The following KSR2 variants were observed in gnomAD, a reference collection of about 807,000 sequenced individuals.
The protein encoded by KSR2 is kinase suppressor of ras 2.
A neutral mutation model predicts 107.8 loss-of-function variants in KSR2; 25 were observed. The observed-to-expected ratio is 0.23, with a 90% CI of 0.17 to 0.32. The LOEUF (loss-of-function observed/expected upper bound fraction) is 0.32. KSR2 is among the 10% of genes least tolerant of loss of function. The probability of loss-of-function intolerance (pLI) is 1.00; values close to 1 mark genes in which losing one functional copy is unlikely to be tolerated. For missense variants in KSR2, 887 were observed against 1,268.9 expected (o/e 0.70, Z 4.57); for synonymous variants, 480 against 507.0 (o/e 0.95, Z 0.71).
chr12:117,582,808 T>G (rs1879748601), intron 5 of KSR2, among the ~76,000 whole-genome samples: 1 of 152,234 alleles, frequency 6.6e-6, no homozygotes, highest in Non-Finnish European at 1.5e-5. Context: ...GCTGTGATTT[T>G]GGGTTCGAGG....
Position 117,667,933 on chromosome 12 carries a change from G to A in KSR2, c.987-275C>T, listed in dbSNP as rs918743025. On this transcript the variant is annotated intron_variant, in intron 4 of 19. Transcript: ENST00000339824. Reference sequence around the variant, plus strand: ...CCCAGCTCCCTAGAGAAGCTCTAGAGAGCCAGTGTCAAGTTCAGCTTCCAA... The same window carrying A: ...CCCAGCTCCCTAGAGAAGCTCTAGAAAGCCAGTGTCAAGTTCAGCTTCCAA... Among the ~76,000 whole-genome samples, 4 of 152,258 alleles carry A rather than the reference G, an allele frequency of 2.6e-5. No individual in the cohort carries two copies. In the East Asian group the frequency reaches 7.7e-4, roughly 29 times the overall value.
intron 5 of KSR2, among the ~76,000 whole-genome samples, chr12:117,596,043 T>C (rs1880622512): frequency 1.3e-5 from 2 of 148,206 alleles, no homozygotes; most frequent in African/African-American, 5.0e-5. Flanking sequence ...CCTCCCTTCC[T>C]TTTTCCCTTC....
intron 16 of KSR2, among the ~76,000 whole-genome samples, chr12:117,479,224 A>C (rs892875084): frequency 6.6e-6 from 1 of 152,230 alleles, no homozygotes; most frequent in Non-Finnish European, 1.5e-5. Flanking sequence ...ACTGTAGGAA[A>C]GGAAGCAAAG....
chr12:117,642,969 C>A (rs4767592), intron 5 of KSR2, among the ~76,000 whole-genome samples: 61,294 of 152,042 alleles, frequency 0.4, 15,253 homozygotes, highest in African/African-American at 0.7. Flanking sequence ...GCTCATTCAT[C>A]TACTGAGGTT....
intron 1 of KSR2, among the ~76,000 whole-genome samples, chr12:117,927,987 G>A (rs554094389): frequency 3.8e-4 from 58 of 151,760 alleles, no homozygotes; most frequent in African/African-American, 1.2e-3. Flanking sequence ...GCCATAACTC[G>A]CCACTGCCCT....
intron 4 of KSR2, among the ~76,000 whole-genome samples, chr12:117,671,844 T>C (rs767293004): frequency 1.3e-5 from 2 of 150,734 alleles, no homozygotes; most frequent in African/African-American, 2.4e-5. Context: ...GGTGCCCTCT[T>C]GTGGCCAGAG....
At chr12:117,853,535 T>C (rs759105828) in intron 3 of KSR2, among the ~76,000 whole-genome samples, 8 of 151,518 alleles carry the variant, frequency 5.3e-5, no homozygotes, top group African/African-American at 1.7e-4. Context: ...AGAGGTAGAG[T>C]CTCTTTATGT....
At chr12:117,956,689 G>A (rs1896528809) in intron 1 of KSR2, among the ~76,000 whole-genome samples, 1 of 151,884 alleles carries the variant, frequency 6.6e-6, no homozygotes, top group South Asian at 2.1e-4. Flanking sequence ...CACTTTGGGA[G>A]GCCAAGGCAG....
intron 5 of KSR2, among the ~76,000 whole-genome samples, chr12:117,591,289 T>G (rs1302003485): frequency 2.0e-5 from 3 of 152,098 alleles, no homozygotes; most frequent in Admixed American, 2.0e-4. Context: ...ATTAAAGAAT[T>G]TGATTTTCTA....
intron 3 of KSR2, among the ~76,000 whole-genome samples, chr12:117,847,555 G>A (rs1408105799): frequency 6.6e-6 from 1 of 152,190 alleles, no homozygotes; most frequent in Non-Finnish European, 1.5e-5. Context: ...CCCAGCATCT[G>A]TCACCTGCTC....
chr12:117,782,408 C>T (rs1038018582), intron 3 of KSR2, among the ~76,000 whole-genome samples: 4 of 152,132 alleles, frequency 2.6e-5, no homozygotes, highest in African/African-American at 4.8e-5. Flanking sequence ...GGACTATAGG[C>T]GTGCACCACT....
At chr12:117,534,053 G>T (rs183763319) in intron 10 of KSR2, among the ~76,000 whole-genome samples, 1 of 152,138 alleles carries the variant, frequency 6.6e-6, no homozygotes, top group African/African-American at 2.4e-5. Context: ...GAGCAGAGTG[G>T]CTCCGGGCTT....
At chr12:117,893,794 G>A (rs758411197) in intron 1 of KSR2, among the ~76,000 whole-genome samples, 2 of 152,014 alleles carry the variant, frequency 1.3e-5, no homozygotes, top group Non-Finnish European at 2.9e-5. Context: ...ATTCACTTTG[G>A]GTGCAAAATT....
At chr12:117,784,828 A>T (rs1352233277) in intron 3 of KSR2, among the ~76,000 whole-genome samples, 2 of 152,170 alleles carry the variant, frequency 1.3e-5, no homozygotes, top group African/African-American at 4.8e-5. Context: ...GAGAGCCCTA[A>T]TCTGTGTGTG....
intron 4 of KSR2, among the ~76,000 whole-genome samples, chr12:117,734,882 G>C (rs1190111029): frequency 6.6e-6 from 1 of 152,216 alleles, no homozygotes; most frequent in Non-Finnish European, 1.5e-5. Context: ...CAATTCAGTA[G>C]AGAACACAGA....
Position 117,968,590 on chromosome 12 carries a change from G to A in KSR2, c.-335C>T, listed in dbSNP as rs1350456474. 4.6e-6 allele frequency: 3 copies of A among 646,560 alleles called. No homozygotes were observed. The highest frequency in any genetic ancestry group is 1.2e-4 in the East Asian group (2 of 16,958). 40.1% of individuals were successfully genotyped at this position (646,560 alleles called of 1,614,324 possible). ...TGTCTGTACACTTAGGGAGGAGGAG[G>A]AGGAGGAAAAAGAAGAGGAGAAGGA... On this transcript the variant is annotated 5_prime_UTR_variant, in exon 1 of 20. Coordinates refer to ENST00000339824, the MANE Select transcript of KSR2 (RefSeq NM_173598.6).
At chr12:117,852,793 T>C (rs1892970881) in intron 3 of KSR2, among the ~76,000 whole-genome samples, 2 of 152,098 alleles carry the variant, frequency 1.3e-5, no homozygotes, top group South Asian at 2.1e-4. Flanking sequence ...TTTTAAAATA[T>C]GGGTTTTTTG....
In KSR2 at chr12:117,504,634, G is replaced by A. The variant is rs1983041; in HGVS notation, c.2220-18943C>T. Among the ~76,000 whole-genome samples, 1,367 of 152,212 alleles carry A rather than the reference G, an allele frequency of 9.0e-3. 23 individuals carry two copies. Among genetic ancestry groups the A allele is most frequent in the South Asian group, 0.028 (135 of 4,808 alleles). On this transcript the variant is annotated intron_variant, in intron 14 of 19. Coordinates refer to ENST00000339824, the MANE Select transcript of KSR2 (RefSeq NM_173598.6). ...GGATATCCAAGGTTCTTGTGCTTTT[G>A]CATGCTCTGGGAAGGTTAGTAGGAA...
intron 5 of KSR2, among the ~76,000 whole-genome samples, chr12:117,609,100 G>A (rs79888708): frequency 0.038 from 5,768 of 152,108 alleles, 238 homozygotes; most frequent in East Asian, 0.23. Flanking sequence ...CTTGGGGAAG[G>A]GTCATACAAT....
Sources: allele counts gnomAD v4.1 joint callset (sites outside exome capture counted in the v4.1 genomes callset), GRCh38; gene constraint gnomAD v4.1.1; transcripts MANE v1.5; gene names NCBI Gene and HGNC (gene_info 2026-07-23, HGNC 2026-07-21).